BLNK: variants seen among roughly 807,000 people sequenced by gnomAD.
BLNK encodes B cell linker.
In BLNK, 29 loss-of-function variants were observed where a neutral mutation model predicts 73.5. The observed-to-expected ratio is 0.39, with a 90% CI of 0.29 to 0.54. BLNK has a LOEUF of 0.54. Ranked by LOEUF, BLNK falls within the 20% of genes least tolerant of loss-of-function variation. BLNK has a pLI of 0.61. For synonymous variants in BLNK, 176 were observed against 200.8 expected (o/e 0.88, Z 1.04); for missense variants, 460 against 562.8 (o/e 0.82, Z 1.85).
chr10:96,224,656 A>G (rs2084277119), intron 5 of BLNK, among the ~76,000 whole-genome samples: 1 of 151,192 alleles, frequency 6.6e-6, no homozygotes, highest in Non-Finnish European at 1.5e-5. Context: ...TGGTTATTCA[A>G]CCTCTCTGGG....
At chr10:96,228,048 G>C (rs1554903031) in intron 4 of BLNK, among the ~76,000 whole-genome samples, 5 of 151,348 alleles carry the variant, frequency 3.3e-5, no homozygotes. Flanking sequence ...TTGGTAAGCT[G>C]CAGGGTCAAG....
intron 6 of BLNK, among the ~76,000 whole-genome samples, chr10:96,222,655 G>A (rs1446357071): frequency 6.6e-6 from 1 of 152,174 alleles, no homozygotes; most frequent in African/African-American, 2.4e-5. Context: ...GAGGGAGGAA[G>A]TGAGAAGCAA....
At chr10:96,201,737 TGC>T (rs35965259) in intron 13 of BLNK, among the ~76,000 whole-genome samples, 19,106 of 132,586 alleles carry the variant, frequency 0.14, 1,257 homozygotes, top group Middle Eastern at 0.19. Flanking sequence ...AAGACTTATC[TGC>T]ATTCATTCAT....
At chr10:96,243,855 T>A (rs906416444) in intron 2 of BLNK, among the ~76,000 whole-genome samples, 26 of 152,208 alleles carry the variant, frequency 1.7e-4, no homozygotes, top group African/African-American at 6.0e-4. Context: ...TTACCCATTT[T>A]AACTAAGAAT....
At chr10:96,245,809 T>C (rs530456332) in intron 2 of BLNK, among the ~76,000 whole-genome samples, 2 of 151,442 alleles carry the variant, frequency 1.3e-5, no homozygotes, top group South Asian at 2.1e-4. Context: ...AGCACACACA[T>C]ACATACATAT....
chr10:96,228,280 C>G (rs781891509), intron 4 of BLNK, among the ~76,000 whole-genome samples: 7 of 151,318 alleles, frequency 4.6e-5, no homozygotes, highest in Non-Finnish European at 8.8e-5. Context: ...TTTTTTGAAA[C>G]CGAGTCTTGC....
Position 96,191,777 on chromosome 10 carries a change from A to C in BLNK, c.*196T>G, listed in dbSNP as rs1279335840. 7 of 622,572 alleles carry C rather than the reference A, an allele frequency of 1.1e-5. No homozygotes were observed. The highest frequency in any genetic ancestry group is 2.0e-5 in the Non-Finnish European group (7 of 357,660). The allele number at this position is 622,572 out of a possible 1,614,324, so 38.6% of individuals were successfully genotyped here. A position where few individuals can be genotyped will look rare whatever the true frequency, so the allele number is the denominator to read the frequency against. On this transcript the variant is annotated 3_prime_UTR_variant, in exon 17 of 17. Coordinates refer to ENST00000224337, the MANE Select transcript of BLNK (RefSeq NM_013314.4). Reference sequence around the variant, plus strand: ...CAACCTCACCAGATATTAACAGTTCATCAGGTCAGGCAATAGAACAAGTCC... The same window carrying C: ...CAACCTCACCAGATATTAACAGTTCCTCAGGTCAGGCAATAGAACAAGTCC...
chr10:96,237,492 C>T (rs1455252811), intron 3 of BLNK, among the ~76,000 whole-genome samples: 1 of 152,278 alleles, frequency 6.6e-6, no homozygotes, highest in East Asian at 1.9e-4. Flanking sequence ...GACATCAGAG[C>T]CCAAGAGTGC....
At chr10:96,214,965 G>A (rs1285517258) in intron 8 of BLNK, among the ~76,000 whole-genome samples, 5 of 152,144 alleles carry the variant, frequency 3.3e-5, no homozygotes, top group Admixed American at 6.5e-5. Flanking sequence ...TTCCAACCGA[G>A]GTCTGTCTGG....
intron 1 of BLNK, among the ~76,000 whole-genome samples, chr10:96,256,437 C>T (rs1837193684): frequency 6.6e-6 from 1 of 152,114 alleles, no homozygotes; most frequent in Admixed American, 6.6e-5. Flanking sequence ...ATTAGGTCTG[C>T]TGATTCTCTA....
chr10:96,256,338 G>T (rs1426114261), intron 1 of BLNK, among the ~76,000 whole-genome samples: 1 of 152,110 alleles, frequency 6.6e-6, no homozygotes, highest in Non-Finnish European at 1.5e-5. Context: ...TTTTTACTAT[G>T]AATGGATTTT....
rs1273051486 is a variant in BLNK at position 96,208,071 on chromosome 10, C to A, written c.747-172G>T. On this transcript the variant is annotated intron_variant, in intron 9 of 16. Transcript: ENST00000224337. ...GGAAGTGGGATTTAGTTATGATCCTCCTAGGCTCAGATGGAGTCTGCTGAC... is the reference window on the plus strand; with the variant it reads ...GGAAGTGGGATTTAGTTATGATCCTACTAGGCTCAGATGGAGTCTGCTGAC... Among the ~76,000 whole-genome samples, 5 of 152,212 alleles carry A rather than the reference C, an allele frequency of 3.3e-5. No homozygotes were observed. In the East Asian group the frequency reaches 9.7e-4, roughly 29 times the overall value.
intron 16 of BLNK, among the ~76,000 whole-genome samples, chr10:96,195,141 A>G (rs1287903796): frequency 2.0e-5 from 3 of 152,166 alleles, no homozygotes; most frequent in African/African-American, 7.2e-5. Context: ...CTATAAAACA[A>G]CAACACAATT....
chr10:96,197,119 AG>A (rs1350933521), intron 15 of BLNK, 56 bp from the exon 16 acceptor site: 1 of 1,429,742 alleles, frequency 7.0e-7, no homozygotes, highest in Non-Finnish European at 9.5e-7. Flanking sequence ...ATATTTCTAC[AG>A]GTTCAAAAAA....
At chr10:96,267,978 T>C (rs1554914662) in intron 1 of BLNK, among the ~76,000 whole-genome samples, 1 of 152,202 alleles carries the variant, frequency 6.6e-6, no homozygotes, top group African/African-American at 2.4e-5. Context: ...ACTGTTATTA[T>C]TATCTTTATC....
intron 6 of BLNK, among the ~76,000 whole-genome samples, chr10:96,218,999 A>T (rs587610377): frequency 6.6e-6 from 1 of 152,300 alleles, no homozygotes; most frequent in East Asian, 1.9e-4. Flanking sequence ...TAGATGTATG[A>T]CCTGTGGGGG....
chr10:96,199,782 G>A (rs1445328935), intron 15 of BLNK, among the ~76,000 whole-genome samples: 1 of 152,192 alleles, frequency 6.6e-6, no homozygotes, highest in African/African-American at 2.4e-5. Flanking sequence ...CACTTTGGGA[G>A]GCCAAGGCCG....
chr10:96,211,364 GA>G (rs1554898679), intron 8 of BLNK, among the ~76,000 whole-genome samples: 1 of 152,214 alleles, frequency 6.6e-6, no homozygotes, highest in Non-Finnish European at 1.5e-5. Context: ...AAGAGGTGAA[GA>G]AGCAGACATA....
chr10:96,196,957 A>G lies in BLNK; in HGVS notation c.1202T>C (p.Ile401Thr), dbSNP rs201384181. Residue 401 changes from isoleucine (I) to threonine (T), a missense_variant, in exon 16 of 17, where the codon ATT becomes ACT. Physicochemically the swap from Ile to Thr is moderately conservative, Grantham distance 89. This residue lies in a region of BLNK where 88 missense variants were observed against 143.4 expected (regional missense o/e 0.61). Transcript: ENST00000224337. ...KRVYNIPVRFIEATKQYALGR... is the reference protein window; with the variant it reads ...KRVYNIPVRFTEATKQYALGR... The stretch of plus-strand genomic sequence containing the variant: ...CAAGGCATATTGTTTTGTTGCTTCA[A>G]TAAATCGCACAGGAATATTATATAC... The G allele has an allele frequency of 6.2e-7, 1 of 1,613,674 alleles. No homozygotes were observed. The highest frequency in any genetic ancestry group is 2.2e-5 in the East Asian group (1 of 44,744).
Sources: gnomAD v4.1 joint callset for allele counts (sites outside exome capture counted in the v4.1 genomes callset) on GRCh38, gnomAD v4.1.1 for gene constraint, gnomAD v4.1.1 regional missense constraint, MANE v1.5 for transcripts, NCBI Gene and HGNC (gene_info 2026-07-23, HGNC 2026-07-21) for gene names.